Variants in COL5A2 observed in about 807,000 individuals in gnomAD.
COL5A2 encodes collagen type V alpha 2 chain, also known as collagen alpha-2(V) chain.
Under a neutral mutation model 208.2 loss-of-function variants are expected in COL5A2, and 23 were observed. That is an observed-to-expected ratio of 0.11 (90% CI 0.08 to 0.16). COL5A2 has a LOEUF of 0.16. Ranked by LOEUF, COL5A2 falls within the 10% of genes least tolerant of loss-of-function variation. The probability of loss-of-function intolerance (pLI) is 1.00; values close to 1 mark genes in which losing one functional copy is unlikely to be tolerated. For synonymous variants in COL5A2, 625 were observed against 628.5 expected (o/e 0.99, Z 0.08); for missense variants, 1,590 against 1,956.4 (o/e 0.81, Z 3.53).
At chr2:189,319,909 C>G in the COL5A2 span, among the ~76,000 whole-genome samples, 1 of 151,822 alleles carries the variant, frequency 6.6e-6, no homozygotes, top group Admixed American at 6.6e-5. Flanking sequence ...CTGGGAGGCA[C>G]CCCCCCAGTA....
At chr2:189,406,759 C>G in the COL5A2 span, among the ~76,000 whole-genome samples, 2 of 152,082 alleles carry the variant, frequency 1.3e-5, no homozygotes, top group Non-Finnish European at 2.9e-5. Flanking sequence ...TAATTTGTTA[C>G]TAGAGTTTCC....
At chr2:189,309,438 C>T in the COL5A2 span, among the ~76,000 whole-genome samples, 7 of 152,108 alleles carry the variant, frequency 4.6e-5, no homozygotes, top group African/African-American at 1.7e-4. Context: ...ACACACTGCA[C>T]GTATGGTACC....
chr2:189,073,323 T>C (rs10210504), intron 17 of COL5A2, among the ~76,000 whole-genome samples: 10,954 of 152,142 alleles, frequency 0.072, 1,348 homozygotes, highest in African/African-American at 0.25. Flanking sequence ...TTTAGGAGCA[T>C]TTTCAGTAAC....
the COL5A2 span, among the ~76,000 whole-genome samples, chr2:189,375,194 T>C: frequency 0.035 from 5,342 of 152,064 alleles, 111 homozygotes; most frequent in Admixed American, 0.05. Context: ...TTTTTTTGTA[T>C]TTTTAGTAGA....
chr2:189,117,026 CAA>C (rs1687405670), intron 1 of COL5A2, among the ~76,000 whole-genome samples: 2 of 152,072 alleles, frequency 1.3e-5, no homozygotes. Flanking sequence ...ATCTCATAAG[CAA>C]AGTTTTTCAG....
At chr2:189,357,413 T>A in the COL5A2 span, among the ~76,000 whole-genome samples, 1 of 152,036 alleles carries the variant, frequency 6.6e-6, no homozygotes, top group Non-Finnish European at 1.5e-5. Flanking sequence ...CTACTGCCTT[T>A]TTTTCAGGAG....
At chr2:189,239,442 A>G in the COL5A2 span, among the ~76,000 whole-genome samples, 3 of 151,890 alleles carry the variant, frequency 2.0e-5, no homozygotes, top group Non-Finnish European at 4.4e-5. Context: ...GGAGGAACAC[A>G]GTGAGGGAAG....
At chr2:189,433,661 A>G in the COL5A2 span, among the ~76,000 whole-genome samples, 1 of 152,216 alleles carries the variant, frequency 6.6e-6, no homozygotes, top group Non-Finnish European at 1.5e-5. Context: ...ATAGACCAAT[A>G]ACAGGCTCTG....
chr2:189,311,502 G>A, the COL5A2 span: 1 of 1,094,192 alleles, frequency 9.1e-7, no homozygotes, highest in South Asian at 1.3e-5. Context: ...GCCCGAGTCT[G>A]TGCCAGCTCT....
intron 35 of COL5A2, among the ~76,000 whole-genome samples, chr2:189,054,690 CT>C (rs58380313): frequency 0.17 from 18,993 of 113,516 alleles, 927 homozygotes; most frequent in South Asian, 0.26. Flanking sequence ...GTGTTTTTTC[CT>C]TTTTTTTTTT....
intron 11 of COL5A2, among the ~76,000 whole-genome samples, chr2:189,084,927 A>G (rs1686619172): frequency 6.6e-6 from 1 of 152,194 alleles, no homozygotes; most frequent in Non-Finnish European, 1.5e-5. Context: ...CTTAACAAAA[A>G]CCCAGGGAAT....
chr2:189,415,571 T>C, the COL5A2 span, among the ~76,000 whole-genome samples: 1 of 152,234 alleles, frequency 6.6e-6, no homozygotes, highest in Non-Finnish European at 1.5e-5. Context: ...CACCTTTAAT[T>C]TCTATTGGTC....
At chr2:189,357,161 T>C in the COL5A2 span, among the ~76,000 whole-genome samples, 1 of 152,174 alleles carries the variant, frequency 6.6e-6, no homozygotes, top group Non-Finnish European at 1.5e-5. Context: ...CTGTAGGAGA[T>C]GTCTGTCGGC....
At chr2:189,048,916 T>C (rs191016617) in intron 44 of COL5A2, among the ~76,000 whole-genome samples, 14 of 152,324 alleles carry the variant, frequency 9.2e-5, no homozygotes, top group Admixed American at 2.0e-4. Flanking sequence ...TGTTACTTTA[T>C]AGTGATATTT....
At chr2:189,169,907 G>T (rs993619691) in intron 1 of COL5A2, among the ~76,000 whole-genome samples, 1 of 152,150 alleles carries the variant, frequency 6.6e-6, no homozygotes, top group African/African-American at 2.4e-5. Flanking sequence ...AGCAGAGATG[G>T]GTTTTCACCA....
chr2:189,229,728 G>A (rs1576592383), upstream of COL5A2, among the ~76,000 whole-genome samples: 1 of 151,808 alleles, frequency 6.6e-6, no homozygotes, highest in East Asian at 1.9e-4. Context: ...CATTGAAAGA[G>A]TTAAGATTAT....
chr2:189,193,006 G>A (rs1576581894), intron 1 of COL5A2, among the ~76,000 whole-genome samples: 1 of 152,174 alleles, frequency 6.6e-6, no homozygotes, highest in African/African-American at 2.4e-5. Flanking sequence ...GTCCTGTTTT[G>A]TCTCTGTCAC....
chr2:189,276,965 T>C, the COL5A2 span, among the ~76,000 whole-genome samples: 1 of 152,298 alleles, frequency 6.6e-6, no homozygotes, highest in Non-Finnish European at 1.5e-5. Context: ...ATTTTATGAA[T>C]GCTCATCACT....
chr2:189,133,934 C>T (rs1354993416), intron 1 of COL5A2, among the ~76,000 whole-genome samples: 3 of 151,956 alleles, frequency 2.0e-5, no homozygotes, highest in Non-Finnish European at 4.4e-5. Flanking sequence ...GCTGCCACAC[C>T]CTCTGCTTGA....
Sources: allele counts gnomAD v4.1 joint callset (sites outside exome capture counted in the v4.1 genomes callset), GRCh38; gene constraint gnomAD v4.1.1; transcripts MANE v1.5; gene names NCBI Gene and HGNC (gene_info 2026-07-23, HGNC 2026-07-21).